The following ZBTB46 variants were observed in gnomAD, a reference collection of about 807,000 sequenced individuals.
The protein encoded by ZBTB46 is zinc finger and BTB domain containing 46.
ZBTB46 carries 8 observed loss-of-function variants against 44.1 expected under a neutral mutation model. The ratio of observed to expected loss-of-function variants is 0.18; its 90% CI spans 0.11 to 0.33. The LOEUF is 0.33. Among genes scored for constraint, ZBTB46 ranks in the 10% least tolerant of loss-of-function variants. The pLI is 1.00. For synonymous variants in ZBTB46, 409 were observed against 382.3 expected, an observed-to-expected ratio of 1.07 and a Z score of -0.81; for missense variants, 651 against 847.7, an observed-to-expected ratio of 0.77 and a Z score of 2.88.
chr20:63,758,650 G>A (rs577268332), intron 3 of ZBTB46, among the ~76,000 whole-genome samples: 50 of 151,846 alleles, frequency 3.3e-4, no homozygotes, highest in East Asian at 7.7e-4. Flanking sequence ...ACACACGCAC[G>A]CGCACGGGCA....
intron 2 of ZBTB46, among the ~76,000 whole-genome samples, chr20:63,776,436 A>G (rs1409510922): frequency 6.6e-6 from 1 of 152,268 alleles, no homozygotes; most frequent in African/African-American, 2.4e-5. Flanking sequence ...AGGTTCTTAG[A>G]TACAAAACCA....
At chr20:63,819,970 A>G (rs969342455) in intron 1 of ZBTB46, among the ~76,000 whole-genome samples, 3 of 152,368 alleles carry the variant, frequency 2.0e-5, no homozygotes, top group African/African-American at 7.2e-5. Context: ...GTATTTCCAT[A>G]TATCACCGTA....
At position 63,746,228 on chromosome 20, in the gene ZBTB46, AGTG is replaced by A. The variant is rs1293281494; in HGVS notation, c.*699_*701del. On this transcript the variant is annotated 3_prime_UTR_variant, in exon 5 of 5. Transcript: ENST00000245663. ...GCAGAGGGAACCTGGTGTGGCCTGAAGTGGTGGGGGGCACAGGGCTGAGGGTCC... is the reference window on the plus strand; with the variant it reads ...GCAGAGGGAACCTGGTGTGGCCTGAAGTGGGGGGCACAGGGCTGAGGGTCC... 1.3e-5 allele frequency: 2 copies of A among 152,878 alleles called. No homozygotes were observed. The highest frequency in any genetic ancestry group is 4.8e-5 in the African/African-American group (2 of 41,474). 9.5% of individuals were successfully genotyped at this position (152,878 alleles called of 1,614,324 possible).
chr20:63,789,773 C>A, intron 2 of ZBTB46, 48 bp downstream of exon 2: 2 of 1,566,646 alleles, frequency 1.3e-6, no homozygotes, highest in East Asian at 2.2e-5. Flanking sequence ...GCCGTGAGGC[C>A]TGGACACACT....
intron 3 of ZBTB46, 108 bp downstream of exon 3, chr20:63,775,570 G>T: frequency 1.4e-6 from 2 of 1,422,986 alleles, no homozygotes; most frequent in Non-Finnish European, 9.3e-7. Flanking sequence ...GCAGGCGGCC[G>T]AGCAGCAGGG....
At chr20:63,822,282 G>A (rs1200406079) in intron 1 of ZBTB46, among the ~76,000 whole-genome samples, 2 of 152,208 alleles carry the variant, frequency 1.3e-5, no homozygotes, top group East Asian at 1.9e-4. Flanking sequence ...CACACGTCCA[G>A]CCTTCCTGAG....
intron 3 of ZBTB46, among the ~76,000 whole-genome samples, chr20:63,755,353 G>A (rs958830844): frequency 2.0e-5 from 3 of 152,192 alleles, no homozygotes; most frequent in African/African-American, 4.8e-5. Flanking sequence ...CAGTAGCTCC[G>A]GGGAGGGTCC....
chr20:63,823,888 G>GTGTGTGTGTGTGTGTGTGTT (rs1414023978), intron 1 of ZBTB46, among the ~76,000 whole-genome samples: 1 of 151,552 alleles, frequency 6.6e-6, no homozygotes, highest in Non-Finnish European at 1.5e-5. Flanking sequence ...GTGTGTGTGT[G>GTGTGTGTGTGTGTGTGTGTT]TTCTTTGGGA....
chr20:63,744,527 T>G lies in ZBTB46; in HGVS notation c.*2403A>C, dbSNP rs2092069913. The G allele has an allele frequency of 6.6e-6, 1 of 152,196 alleles. No individual in the cohort carries two copies. Among genetic ancestry groups the G allele is most frequent in the Non-Finnish European group, 1.5e-5 (1 of 68,030 alleles). 9.4% of individuals were successfully genotyped at this position (152,196 alleles called of 1,614,324 possible). ...TGAAATGTAATCTACACATTTTTCC[T>G]CTTCATAAAAAAATATTTATTAGTT... On this transcript the variant is annotated 3_prime_UTR_variant, in exon 5 of 5. Transcript: ENST00000245663.
intron 2 of ZBTB46, among the ~76,000 whole-genome samples, chr20:63,786,564 T>G (rs1348789327): frequency 6.6e-6 from 1 of 152,090 alleles, no homozygotes; most frequent in Non-Finnish European, 1.5e-5. Context: ...CAGGCTGGAG[T>G]GCAGTGGCGC....
intron 3 of ZBTB46, 103 bp downstream of exon 3, chr20:63,775,575 G>T: frequency 6.9e-7 from 1 of 1,439,936 alleles, no homozygotes; most frequent in Non-Finnish European, 9.2e-7. Context: ...CGGCCGAGCA[G>T]CAGGGACAGA....
intron 2 of ZBTB46, among the ~76,000 whole-genome samples, chr20:63,781,002 G>A (rs1384329725): frequency 6.7e-6 from 1 of 149,742 alleles, no homozygotes; most frequent in Non-Finnish European, 1.5e-5. Context: ...TTAGCTGGGC[G>A]CGGTGGCGGG....
intron 3 of ZBTB46, among the ~76,000 whole-genome samples, chr20:63,765,255 A>C (rs1232516006): frequency 5.9e-5 from 9 of 152,032 alleles, no homozygotes; most frequent in Non-Finnish European, 1.5e-5. Context: ...CCCGAAGGAC[A>C]ATCTCTATCT....
intron 3 of ZBTB46, among the ~76,000 whole-genome samples, chr20:63,774,674 G>GGCTGTGGCT (rs1255261769): frequency 1.2e-4 from 11 of 94,542 alleles, no homozygotes; most frequent in Non-Finnish European, 2.4e-4. Flanking sequence ...GCTGGCTGGG[G>GGCTGTGGCT]GCTGGCTGCG....
chr20:63,747,337 T>TGG (rs2092103489), intron 4 of ZBTB46, 36 bp from the exon 5 acceptor site: 2 of 703,480 alleles, frequency 2.8e-6, no homozygotes, highest in Non-Finnish European at 1.7e-6. Context: ...CAGGGCCTGG[T>TGG]GGGTTGGGGG....
At chr20:63,825,907 G>A (rs909827517) in intron 1 of ZBTB46, among the ~76,000 whole-genome samples, 11 of 152,178 alleles carry the variant, frequency 7.2e-5, no homozygotes, top group South Asian at 4.1e-4. Flanking sequence ...CTGTCCATCC[G>A]GCGGGTGACC....
rs1307906808 is a variant in ZBTB46, at chr20:63,827,623, A to C, written c.-34+3474T>G. ...GAGCGAGACTCCGTCTCAAAAAAAA[A>C]AAAACAAAAAAAAAAAACCACAAAA... On this transcript the variant is annotated intron_variant, in intron 1 of 4. Coordinates refer to ENST00000245663, the MANE Select transcript of ZBTB46 (RefSeq NM_001369741.1). 1.2e-3 allele frequency among the ~76,000 whole-genome samples: 181 copies of C among 149,290 alleles called. 2 individuals carry two copies. The highest frequency in any genetic ancestry group is 9.8e-4 in the Non-Finnish European group (66 of 67,534).
intron 1 of ZBTB46, among the ~76,000 whole-genome samples, chr20:63,810,635 A>C (rs2092712345): frequency 6.6e-6 from 1 of 152,202 alleles, no homozygotes; most frequent in African/African-American, 2.4e-5. Flanking sequence ...AATCCCAGCT[A>C]CTAGGGAGGC....
chr20:63,772,969 C>T (rs554039119), intron 3 of ZBTB46, among the ~76,000 whole-genome samples: 2 of 152,178 alleles, frequency 1.3e-5, no homozygotes, highest in Admixed American at 6.6e-5. Context: ...AGAAAAGCCC[C>T]GAGGAAGGGG....
Sources: allele counts gnomAD v4.1 joint callset (sites outside exome capture counted in the v4.1 genomes callset), GRCh38; gene constraint gnomAD v4.1.1; transcripts MANE v1.5; gene names NCBI Gene and HGNC (gene_info 2026-07-23, HGNC 2026-07-21).